The following MEGF10 variants were observed in gnomAD, a reference collection of about 807,000 sequenced individuals.
The protein encoded by MEGF10 is multiple EGF like domains 10.
In MEGF10, 86 loss-of-function variants were observed where a neutral mutation model predicts 147.5. The observed-to-expected ratio is 0.58, with a 90% confidence interval of 0.49 to 0.70. MEGF10 has a LOEUF of 0.70. Among genes scored for constraint, MEGF10 ranks in the 30% least tolerant of loss-of-function variants. The pLI, the probability that MEGF10 is intolerant of heterozygous loss-of-function variation, is 0.00. For synonymous variants in MEGF10, 478 were observed against 525.5 expected, an observed-to-expected ratio of 0.91 and a Z score of 1.24; for missense variants, 1,329 against 1,487.3, an observed-to-expected ratio of 0.89 and a Z score of 1.75.
intron 4 of MEGF10, among the ~76,000 whole-genome samples, chr5:127,341,059 A>G (rs1323268263): frequency 1.3e-5 from 2 of 152,136 alleles, no homozygotes; most frequent in African/African-American, 4.8e-5. Context: ...GGCTTATTAA[A>G]TGTAGAGGAG....
the MEGF10 span, among the ~76,000 whole-genome samples, chr5:127,270,306 A>G: frequency 0.55 from 82,872 of 151,238 alleles, 23,030 homozygotes; most frequent in Middle Eastern, 0.71. Context: ...TAAAGAGTCA[A>G]GACCCATCAG....
At chr5:127,327,411 A>G (rs2032833) in intron 1 of MEGF10, among the ~76,000 whole-genome samples, 7,414 of 152,284 alleles carry the variant, frequency 0.049, 270 homozygotes, top group South Asian at 0.084. Context: ...CAAAATGTCT[A>G]TCTTAATGAA....
At chr5:127,390,184 T>A (rs1763591181) in intron 5 of MEGF10, among the ~76,000 whole-genome samples, 1 of 152,208 alleles carries the variant, frequency 6.6e-6, no homozygotes, top group African/African-American at 2.4e-5. Flanking sequence ...TTCCCTCTTT[T>A]CCCCAGATAG....
intron 1 of MEGF10, among the ~76,000 whole-genome samples, chr5:127,314,759 T>C (rs1561565114): frequency 6.6e-6 from 1 of 152,222 alleles, no homozygotes; most frequent in Non-Finnish European, 1.5e-5. Context: ...CTACCCTTCA[T>C]AGATTCTTCA....
upstream of MEGF10, among the ~76,000 whole-genome samples, chr5:127,289,408 T>A (rs558063131): frequency 6.6e-6 from 1 of 152,278 alleles, no homozygotes; most frequent in African/African-American, 2.4e-5. Flanking sequence ...AAGTTCCAAC[T>A]CCTGGCAGAG....
chr5:127,360,007 T>C (rs1762415656), intron 4 of MEGF10, among the ~76,000 whole-genome samples: 1 of 152,076 alleles, frequency 6.6e-6, no homozygotes, highest in Non-Finnish European at 1.5e-5. Flanking sequence ...TATACAACTA[T>C]TGGAGGAGAA....
the MEGF10 span, among the ~76,000 whole-genome samples, chr5:127,263,691 T>G: frequency 6.6e-6 from 1 of 152,172 alleles, no homozygotes; most frequent in East Asian, 1.9e-4. Context: ...TGAACAGACA[T>G]AAACATGCTT....
At chr5:127,324,815 G>A (rs1453685356) in intron 1 of MEGF10, among the ~76,000 whole-genome samples, 1 of 152,104 alleles carries the variant, frequency 6.6e-6, no homozygotes, top group South Asian at 2.1e-4. Context: ...CTCCTTTCTA[G>A]CGTTACTTCT....
At chr5:127,456,665 T>A (rs1226046999) in intron 24 of MEGF10, among the ~76,000 whole-genome samples, 2 of 152,224 alleles carry the variant, frequency 1.3e-5, no homozygotes, top group Non-Finnish European at 2.9e-5. Flanking sequence ...ACAATTCTCC[T>A]TTAAACTGTC....
At position 127,294,835 on chromosome 5, in the gene MEGF10, T is replaced by TAAA. The variant is rs376539022; in HGVS notation, c.-19+3780_-19+3782dup. On this transcript the variant is annotated intron_variant, in intron 1 of 24. Transcript: ENST00000503335. ...ATAATAATAATAATAATAATAATAA[T>TAAA]AAATAACTTGGAGTAGAAAAAGGAC... 4.6e-3 allele frequency among the ~76,000 whole-genome samples: 657 copies of TAAA among 143,128 alleles called. 7 individuals carry two copies. The highest frequency in any genetic ancestry group is 7.4e-3 in the Middle Eastern group (2 of 272). The allele number at this position is 143,128 out of a possible 152,430, so 93.9% of individuals were successfully genotyped here. A position where few individuals can be genotyped will look rare whatever the true frequency, so the allele number is the denominator to read the frequency against.
chr5:127,403,401 G>A (rs956081117), intron 8 of MEGF10, among the ~76,000 whole-genome samples: 1 of 152,080 alleles, frequency 6.6e-6, no homozygotes, highest in African/African-American at 2.4e-5. Flanking sequence ...GCGGAATGGG[G>A]TATCCATCCC....
intron 23 of MEGF10, 31 bp downstream of exon 23, chr5:127,454,641 A>G: frequency 6.3e-7 from 1 of 1,582,666 alleles, no homozygotes; most frequent in Non-Finnish European, 8.6e-7. Flanking sequence ...AGAAATCAGA[A>G]GCACAATTAA....
chr5:127,369,880 T>A lies in MEGF10; in HGVS notation c.320-30T>A, dbSNP rs747204895. ...TGGCTTTTTTTTCTTGTGCCAACTT[T>A]CTTTATTTGATTGATTTTCTCTCTG... On this transcript the variant is annotated intron_variant, in intron 4 of 24. Coordinates refer to ENST00000503335, the MANE Select transcript of MEGF10 (RefSeq NM_001256545.2). The A allele has an allele frequency of 5.1e-6, 8 of 1,578,236 alleles. No homozygotes were observed. The South Asian group carries it at 8.0e-5, about 16-fold the overall frequency.
At chr5:127,361,366 T>C (rs1762465280) in intron 4 of MEGF10, among the ~76,000 whole-genome samples, 1 of 152,038 alleles carries the variant, frequency 6.6e-6, no homozygotes, top group Admixed American at 6.5e-5. Context: ...TTTATGGCGA[T>C]ATCACTTCTC....
chr5:127,284,808 C>A, the MEGF10 span, among the ~76,000 whole-genome samples: 1 of 152,080 alleles, frequency 6.6e-6, no homozygotes, highest in African/African-American at 2.4e-5. Context: ...ACTAAGCAAG[C>A]TTTTAAATCA....
the MEGF10 span, among the ~76,000 whole-genome samples, chr5:127,284,203 C>T: frequency 6.6e-6 from 1 of 152,084 alleles, no homozygotes. Flanking sequence ...AAGAAGAAGA[C>T]CGAAATGAAG....
chr5:127,345,128 T>G (rs1209638605), intron 4 of MEGF10, among the ~76,000 whole-genome samples: 2 of 152,194 alleles, frequency 1.3e-5, no homozygotes, highest in Admixed American at 1.3e-4. Context: ...CATGTTTATG[T>G]GCAATAGAAG....
chr5:127,257,714 C>T, the MEGF10 span, among the ~76,000 whole-genome samples: 1 of 152,126 alleles, frequency 6.6e-6, no homozygotes, highest in South Asian at 2.1e-4. Context: ...GTATCTTTTT[C>T]TGTACCCCCA....
the MEGF10 span, among the ~76,000 whole-genome samples, chr5:127,248,698 G>T: frequency 1.3e-5 from 2 of 151,826 alleles, no homozygotes; most frequent in African/African-American, 4.8e-5. Context: ...TTAAAACATG[G>T]ATAGAGCCTC....
Sources: gnomAD v4.1 joint callset for allele counts (sites outside exome capture counted in the v4.1 genomes callset) on GRCh38, gnomAD v4.1.1 for gene constraint, MANE v1.5 for transcripts, NCBI Gene and HGNC (gene_info 2026-07-23, HGNC 2026-07-21) for gene names.